Variants in INPP5D observed in about 807,000 individuals in gnomAD.
INPP5D encodes inositol polyphosphate-5-phosphatase D, also known as phosphatidylinositol 3,4,5-trisphosphate 5-phosphatase 1.
INPP5D carries 33 observed loss-of-function variants against 122.9 expected under a neutral mutation model. The ratio of observed to expected loss-of-function variants is 0.27; its 90% CI spans 0.20 to 0.36. The LOEUF is 0.36. Ranked by LOEUF, INPP5D falls within the 10% of genes least tolerant of loss-of-function variation. INPP5D has a pLI of 1.00. For synonymous variants in INPP5D, 584 were observed against 576.2 expected (o/e 1.01, Z -0.19); for missense variants, 1,053 against 1,412.7 (o/e 0.75, Z 4.08).
intron 3 of INPP5D, among the ~76,000 whole-genome samples, chr2:233,123,500 A>T (rs1457980338): frequency 6.6e-6 from 1 of 152,108 alleles, no homozygotes; most frequent in East Asian, 1.9e-4. Context: ...GTGTGAGACT[A>T]AGGGTGCCCT....
chr2:233,204,810 GTGTGTGCACGCATGCATATGTGCGTGCA>G (rs1370142474), intron 26 of INPP5D, 93 bp downstream of exon 26: 5 of 1,420,226 alleles, frequency 3.5e-6, no homozygotes, highest in Non-Finnish European at 9.2e-7. Flanking sequence ...GTGTGCATGT[GTGTGTGCACGCATGCATATGTGCGTGCA>G]TGTGTGAACG....
chr2:233,127,672 G>C (rs572023693), intron 4 of INPP5D, among the ~76,000 whole-genome samples: 67 of 152,300 alleles, frequency 4.4e-4, no homozygotes, highest in African/African-American at 1.6e-3. Context: ...GCAAAGGCAC[G>C]ATCTCAGCTC....
chr2:233,170,150 G>A lies in INPP5D; in HGVS notation c.1777G>A (p.Asp593Asn). 1 of 1,614,000 alleles carries A rather than the reference G, an allele frequency of 6.2e-7. No individual in the cohort carries two copies. The highest frequency in any genetic ancestry group is 8.5e-7 in the Non-Finnish European group (1 of 1,179,880). ...FWFGDLNYRV[D>N]LPTWEAETII... ...GTTTGGGGATCTTAACTACCGTGTGGATCTGCCTACCTGGGTAAGGGCTGC... is the reference window on the plus strand; with the variant it reads ...GTTTGGGGATCTTAACTACCGTGTGAATCTGCCTACCTGGGTAAGGGCTGC... The change falls in exon 15 of 27, where the codon GAT (aspartate) becomes AAT (asparagine). Residue 593 changes from aspartate (D) to asparagine (N), a missense_variant. By Grantham distance (23) the Asp-to-Asn change is conservative (BLOSUM62 1). This residue lies in a region of INPP5D where 258 missense variants were observed against 439.1 expected (regional missense o/e 0.59). Coordinates refer to ENST00000445964, the MANE Select transcript of INPP5D (RefSeq NM_001017915.3). The surrounding 1 kb of genome is among the most constrained non-coding windows in gnomAD (Gnocchi z 4.5).
Position 233,139,878 on chromosome 2 carries a change from G to A in INPP5D, c.702G>A (p.Leu234=). The part of the protein sequence containing the change: ...VIRTLPSLES[L]QRLFDQQLSP... ...GGACCCTCCCATCCCTGGAGTCTCTGCAGAGGTTATTTGACCAGCAGCTCT... is the reference window on the plus strand; with the variant it reads ...GGACCCTCCCATCCCTGGAGTCTCTACAGAGGTTATTTGACCAGCAGCTCT... The change falls in exon 6 of 27, where the codon CTG becomes CTA. Residue 234 remains leucine, a synonymous_variant. Transcript: ENST00000445964. 2.5e-6 allele frequency: 1 copy of A among 398,898 alleles called. No individual in the cohort carries two copies. Among genetic ancestry groups the A allele is most frequent in the Non-Finnish European group, 4.4e-6 (1 of 226,316 alleles). The allele number at this position is 398,898 out of a possible 1,614,324, so 24.7% of individuals were successfully genotyped here. A position where few individuals can be genotyped will look rare whatever the true frequency, so the allele number is the denominator to read the frequency against.
chr2:233,099,635 T>C (rs1692247261), intron 2 of INPP5D, among the ~76,000 whole-genome samples: 1 of 152,240 alleles, frequency 6.6e-6, no homozygotes, highest in South Asian at 2.1e-4. Flanking sequence ...TAGTGTTCTG[T>C]TCACCCAACC....
At chr2:233,151,175 G>C (rs36146561) in intron 9 of INPP5D, among the ~76,000 whole-genome samples, 78,712 of 151,816 alleles carry the variant, frequency 0.52, 21,022 homozygotes, top group East Asian at 0.67. Context: ...TCCAGCTCTA[G>C]TTAAGAATGG....
rs1694479826 is a variant in INPP5D at position 233,170,935 on chromosome 2, C to T, written c.1901-129C>T. On this transcript the variant is annotated intron_variant, in intron 16 of 26. Coordinates refer to ENST00000445964, the MANE Select transcript of INPP5D (RefSeq NM_001017915.3). This position sits in a 1 kb window ranked among gnomAD's most constrained non-coding sequence, Gnocchi z 4.5. ...AAAAAAAAAAAAAAAGCAGCAGCCT[C>T]TCCTCTTGGAGCCTTTCCAGCCATC... 9.9e-7 allele frequency: 1 copy of T among 1,015,172 alleles called. No homozygotes were observed. The highest frequency in any genetic ancestry group is 1.7e-5 in the African/African-American group (1 of 59,304). 62.9% of individuals were successfully genotyped at this position (1,015,172 alleles called of 1,614,324 possible). A position where few individuals can be genotyped will look rare whatever the true frequency, so the allele number is the denominator to read the frequency against.
intron 24 of INPP5D, among the ~76,000 whole-genome samples, chr2:233,195,842 C>T (rs778921065): frequency 1.1e-4 from 17 of 152,186 alleles, no homozygotes; most frequent in Non-Finnish European, 2.1e-4. Context: ...TGGTGGCACA[C>T]GCCTCTAATC....
At chr2:233,096,723 A>G (rs529259774) in intron 2 of INPP5D, among the ~76,000 whole-genome samples, 2 of 152,114 alleles carry the variant, frequency 1.3e-5, no homozygotes, top group East Asian at 3.9e-4. Context: ...TCAATTGCCT[A>G]TTTATATTCT....
chr2:233,206,768 C>G lies in INPP5D; in HGVS notation c.*60C>G, dbSNP rs757973319. ...AGAGGAACGGCGTGAAGCCACTGGA[C>G]CCTCTCCCGGGACCTCCTGCTGGCT... On this transcript the variant is annotated 3_prime_UTR_variant, in exon 27 of 27. Transcript: ENST00000445964. This position sits in a 1 kb window ranked among gnomAD's most constrained non-coding sequence, Gnocchi z 4.0. The G allele has an allele frequency of 5.4e-6, 4 of 742,470 alleles. No individual in the cohort carries two copies. Among genetic ancestry groups the G allele is most frequent in the Admixed American group, 1.9e-5 (1 of 53,178 alleles). The allele number at this position is 742,470 out of a possible 1,614,324, so 46.0% of individuals were successfully genotyped here.
chr2:233,079,270 T>G, intron 1 of INPP5D, 65 bp from the exon 2 acceptor site: 1 of 1,027,430 alleles, frequency 9.7e-7, no homozygotes, highest in Non-Finnish European at 1.5e-6. Flanking sequence ...AAGTCTTGTC[T>G]TTTCAGTTAA....
At chr2:233,065,944 C>CT (rs552550678) in intron 1 of INPP5D, among the ~76,000 whole-genome samples, 22 of 112,716 alleles carry the variant, frequency 2.0e-4, no homozygotes, top group Non-Finnish European at 1.4e-4. Context: ...CGCACCTGGC[C>CT]TTTTTTTAAA....
At chr2:233,097,679 A>G (rs1692183659) in intron 2 of INPP5D, among the ~76,000 whole-genome samples, 1 of 152,006 alleles carries the variant, frequency 6.6e-6, no homozygotes, top group Non-Finnish European at 1.5e-5. Context: ...TATCTGTCTG[A>G]ATTCTCTTAT....
chr2:233,069,444 T>C (rs1691318405), intron 1 of INPP5D, among the ~76,000 whole-genome samples: 1 of 152,230 alleles, frequency 6.6e-6, no homozygotes, highest in Non-Finnish European at 1.5e-5. Flanking sequence ...AGAATAACCA[T>C]TGTTAATTCA....
chr2:233,155,094 A>G (rs1272802801), intron 9 of INPP5D, among the ~76,000 whole-genome samples: 1 of 152,200 alleles, frequency 6.6e-6, no homozygotes, highest in African/African-American at 2.4e-5. Context: ...CTAGAAAGGA[A>G]CAGTAAGAGA....
At chr2:233,081,558 C>T (rs1691689322) in intron 2 of INPP5D, among the ~76,000 whole-genome samples, 1 of 152,212 alleles carries the variant, frequency 6.6e-6, no homozygotes, top group African/African-American at 2.4e-5. Flanking sequence ...CACCATCATA[C>T]TCTTGCTACT....
Position 233,206,120 on chromosome 2 carries a change from C to T in INPP5D, c.3568-586C>T, listed in dbSNP as rs1452557261. Among the ~76,000 whole-genome samples, 1 of 152,000 alleles carries T rather than the reference C, an allele frequency of 6.6e-6. No homozygotes were observed. Among genetic ancestry groups the T allele is most frequent in the African/African-American group, 2.4e-5 (1 of 41,378 alleles). On this transcript the variant is annotated intron_variant, in intron 26 of 26. Transcript: ENST00000445964. The surrounding 1 kb of genome is among the most constrained non-coding windows in gnomAD (Gnocchi z 4.0). The stretch of plus-strand genomic sequence containing the variant: ...AGGCTATGTTGGATTTGAATCCCAG[C>T]CCTCCCACCTCCTGGCTCTGTGCCT...
At chr2:233,143,039 C>T (rs1693663027) in intron 6 of INPP5D, among the ~76,000 whole-genome samples, 1 of 152,176 alleles carries the variant, frequency 6.6e-6, no homozygotes, top group South Asian at 2.1e-4. Flanking sequence ...TGGGCTAGCC[C>T]CCAATTCACA....
At position 233,186,401 on chromosome 2, in the gene INPP5D, G is replaced by T. The variant is rs550123465; in HGVS notation, c.2358+476G>T. On this transcript the variant is annotated intron_variant, in intron 21 of 26. Transcript: ENST00000445964. ...CATTGGCTACTGATCATACACTTGT[G>T]AACACACGAAGTACTCGACATGTCT... Among the ~76,000 whole-genome samples, 69 of 152,206 alleles carry T rather than the reference G, an allele frequency of 4.5e-4. 1 individual carries two copies. In the South Asian group the frequency reaches 0.014, roughly 31 times the overall value.
Sources: gnomAD v4.1 joint callset for allele counts (sites outside exome capture counted in the v4.1 genomes callset) on GRCh38, gnomAD v4.1.1 for gene constraint, gnomAD v4.1.1 regional missense constraint, Gnocchi (gnomAD v3.1) non-coding constraint, MANE v1.5 for transcripts, NCBI Gene and HGNC (gene_info 2026-07-23, HGNC 2026-07-21) for gene names.